Variants in ACO2 observed in about 807,000 individuals in gnomAD.
ACO2 encodes the protein aconitase 2.
ACO2 carries 31 observed loss-of-function variants against 84.5 expected under a neutral mutation model. The ratio of observed to expected loss-of-function variants is 0.37; its 90% CI spans 0.28 to 0.50. ACO2 has a LOEUF of 0.50. Among genes scored for constraint, ACO2 ranks in the 20% least tolerant of loss-of-function variants. The pLI is 0.97. For missense variants in ACO2, 685 were observed against 1,029.3 expected, an observed-to-expected ratio of 0.67 and a Z score of 4.58; for synonymous variants, 414 against 412.7, an observed-to-expected ratio of 1.00 and a Z score of -0.04.
At position 41,520,218 on chromosome 22, in the gene ACO2, T is replaced by C. The variant is rs2066511999; in HGVS notation, c.1080T>C (p.Pro360=). 6.2e-7 allele frequency: 1 copy of C among 1,613,878 alleles called. No homozygotes were observed. Among genetic ancestry groups the C allele is most frequent in the Admixed American group, 1.7e-5 (1 of 59,994 alleles). Residue 360 remains proline (P), a synonymous_variant, in exon 9 of 18, where the codon CCT becomes CCC. Transcript: ENST00000216254. The part of the protein sequence containing the change: ...NGPFTPDLAH[P]VAEVGKVAEK... ...CCTTCACCCCTGACCTGGCTCACCC[T>C]GTGGCAGAAGTGGGCAAGGTGGCAG...
intron 17 of ACO2, 127 bp from the exon 18 acceptor site, chr22:41,528,352 G>C: frequency 1.5e-6 from 2 of 1,358,376 alleles, no homozygotes; most frequent in Non-Finnish European, 2.0e-6. Flanking sequence ...GCACAGACTG[G>C]CCTAGGATTT....
intron 17 of ACO2, 51 bp downstream of exon 17, chr22:41,528,073 G>A (rs568556386): frequency 1.2e-6 from 2 of 1,612,412 alleles, no homozygotes; most frequent in African/African-American, 1.3e-5. Flanking sequence ...CAGCCACCTT[G>A]TTTCCCCTCC....
intron 1 of ACO2, among the ~76,000 whole-genome samples, chr22:41,471,286 T>C (rs1273320953): frequency 6.6e-6 from 1 of 152,210 alleles, no homozygotes; most frequent in Non-Finnish European, 1.5e-5. Flanking sequence ...AATCCTGGTC[T>C]CCTTGTTTGT....
chr22:41,520,153 G>C lies in ACO2; in HGVS notation c.1033-18G>C. 2 of 1,603,108 alleles carry C rather than the reference G, an allele frequency of 1.2e-6. No individual in the cohort carries two copies. Among genetic ancestry groups the C allele is most frequent in the Non-Finnish European group, 1.7e-6 (2 of 1,171,158 alleles). Reference sequence around the variant, plus strand: ...CTTCCCTCCTCTCTTTCTTCTCCTTGCATGTTTGTTTCTTCAGCTGAAGCC... The same window carrying C: ...CTTCCCTCCTCTCTTTCTTCTCCTTCCATGTTTGTTTCTTCAGCTGAAGCC... On this transcript the variant is annotated intron_variant, in intron 8 of 17. Transcript: ENST00000216254.
At chr22:41,470,732 G>A (rs1371535539) in intron 1 of ACO2, among the ~76,000 whole-genome samples, 1 of 151,722 alleles carries the variant, frequency 6.6e-6, no homozygotes, top group Non-Finnish European at 1.5e-5. Flanking sequence ...TAGTAGAGAC[G>A]GGGTTTCACC....
At chr22:41,472,092 C>T (rs1295570316) in intron 1 of ACO2, among the ~76,000 whole-genome samples, 7 of 152,130 alleles carry the variant, frequency 4.6e-5, no homozygotes, top group South Asian at 2.1e-4. Context: ...CAGTGTCTCA[C>T]GCCTGTAATC....
intron 1 of ACO2, among the ~76,000 whole-genome samples, chr22:41,497,113 G>A (rs1459036432): frequency 6.6e-6 from 1 of 151,674 alleles, no homozygotes. Flanking sequence ...CTGTCACCCA[G>A]GCTGGAGTGA....
rs749699669 is a variant in ACO2 at position 41,515,992 on chromosome 22, G to T, written c.835+75G>T. On this transcript the variant is annotated intron_variant, in intron 6 of 17. Transcript: ENST00000216254. This position sits in a 1 kb window ranked among gnomAD's most constrained non-coding sequence, Gnocchi z 5.8. ...TGGGTCTCCAGTTGGGAGTAGAAGC[G>T]GTGAATGGCCTTCACTTGAGAATCT... The T allele has an allele frequency of 2.0e-6, 3 of 1,537,816 alleles. No homozygotes were observed. The highest frequency in any genetic ancestry group is 2.7e-6 in the Non-Finnish European group (3 of 1,130,266).
intron 1 of ACO2, among the ~76,000 whole-genome samples, chr22:41,493,756 A>G (rs549878309): frequency 6.6e-6 from 1 of 152,194 alleles, no homozygotes; most frequent in African/African-American, 2.4e-5. Flanking sequence ...ATCCTGGGCA[A>G]CATGTTGTAA....
chr22:41,470,528 C>CTTTTTTTTTTTTTTTTT (rs71184811), intron 1 of ACO2, among the ~76,000 whole-genome samples: 1 of 95,856 alleles, frequency 1.0e-5, no homozygotes, highest in Non-Finnish European at 2.1e-5. Flanking sequence ...CTCTTTACAT[C>CTTTTTTTTTTTTTTTTT]TTTTTTTTTT....
chr22:41,477,129 A>ATTAC (rs1042051873), intron 1 of ACO2, among the ~76,000 whole-genome samples: 24 of 145,720 alleles, frequency 1.6e-4, no homozygotes, highest in African/African-American at 6.3e-4. Flanking sequence ...TGGTTTCCAT[A>ATTAC]TTATTTATTT....
chr22:41,470,315 AGTT>A (rs902086542), intron 1 of ACO2, among the ~76,000 whole-genome samples: 1 of 152,248 alleles, frequency 6.6e-6, no homozygotes, highest in African/African-American at 2.4e-5. Flanking sequence ...GAATTTTACG[AGTT>A]GTTATGCGTT....
chr22:41,497,920 C>T (rs1186665681), intron 1 of ACO2, among the ~76,000 whole-genome samples: 1 of 151,244 alleles, frequency 6.6e-6, no homozygotes, highest in Non-Finnish European at 1.5e-5. Flanking sequence ...CCGAGGCAGG[C>T]GGATCACGAG....
chr22:41,520,401 TATTATTGAAAAATTAC>T, intron 9 of ACO2, 125 bp downstream of exon 9: 1 of 691,920 alleles, frequency 1.4e-6, no homozygotes, highest in East Asian at 2.9e-5. Context: ...GAAATGGGTT[TATTATTGAAAAATTAC>T]TTTTTCGGCC....
rs1191917026 is a variant in ACO2 at position 41,469,145 on chromosome 22, A to C, written c.-2A>C. 6.2e-7 allele frequency: 1 copy of C among 1,608,952 alleles called. No homozygotes were observed. Among genetic ancestry groups the C allele is most frequent in the East Asian group, 2.3e-5 (1 of 44,258 alleles). On this transcript the variant is annotated 5_prime_UTR_variant, in exon 1 of 18. Coordinates refer to ENST00000216254, the MANE Select transcript of ACO2 (RefSeq NM_001098.3). Reference sequence around the variant, plus strand: ...GCGACCTCATCTTTGTCAGTGCACAAAATGGCGCCCTACAGCCTACTGGTG... The same window carrying C: ...GCGACCTCATCTTTGTCAGTGCACACAATGGCGCCCTACAGCCTACTGGTG...
At chr22:41,475,474 C>A (rs1454448937) in intron 1 of ACO2, among the ~76,000 whole-genome samples, 1 of 152,090 alleles carries the variant, frequency 6.6e-6, no homozygotes, top group African/African-American at 2.4e-5. Flanking sequence ...TTGAGTCTTC[C>A]TTGGCTCCAG....
intron 14 of ACO2, chr22:41,525,882 C>A (rs2066583502): frequency 9.3e-6 from 2 of 214,248 alleles, no homozygotes; most frequent in South Asian, 1.2e-4. Flanking sequence ...ACCCCTGTGA[C>A]AGAAGAGACT....
At chr22:41,504,256 C>G (rs545466205) in intron 2 of ACO2, among the ~76,000 whole-genome samples, 1 of 152,258 alleles carries the variant, frequency 6.6e-6, no homozygotes, top group South Asian at 2.1e-4. Context: ...GCGTTCTATT[C>G]TAAGAATTTT....
At position 41,528,973 on chromosome 22, in the gene ACO2, C is replaced by T; in HGVS notation, c.*360C>T. The T allele has an allele frequency of 1.9e-6, 1 of 526,840 alleles. No individual in the cohort carries two copies. Among genetic ancestry groups the T allele is most frequent in the Non-Finnish European group, 3.3e-6 (1 of 298,804 alleles). The allele number at this position is 526,840 out of a possible 1,614,324, so 32.6% of individuals were successfully genotyped here. On this transcript the variant is annotated 3_prime_UTR_variant, in exon 18 of 18. Transcript: ENST00000216254. ...TGCAAGGAAAACAAGAATCCAAAAC[C>T]AGTGACTGTTCTGTGAGTGATTGGT...
Sources: allele counts gnomAD v4.1 joint callset (sites outside exome capture counted in the v4.1 genomes callset), GRCh38; gene constraint gnomAD v4.1.1; non-coding constraint Gnocchi (gnomAD v3.1); transcripts MANE v1.5; gene names NCBI Gene and HGNC (gene_info 2026-07-23, HGNC 2026-07-21).